Variants in CLIP2 observed in about 807,000 individuals in gnomAD.
The protein encoded by CLIP2 is CAP-Gly domain-containing linker protein 2.
In CLIP2, 41 loss-of-function variants were observed where a neutral mutation model predicts 111.7. That is an observed-to-expected ratio of 0.37 (90% confidence interval 0.29 to 0.48). The LOEUF is 0.48. CLIP2 is among the 20% of genes least tolerant of loss of function. CLIP2 has a pLI of 0.99. For missense variants in CLIP2, 1,160 were observed against 1,422.1 expected (o/e 0.82, Z 2.96); for synonymous variants, 660 against 644.2 (o/e 1.02, Z -0.37).
At chr7:74,321,216 C>T (rs1316746385) in intron 2 of CLIP2, among the ~76,000 whole-genome samples, 3 of 152,126 alleles carry the variant, frequency 2.0e-5, no homozygotes, top group Non-Finnish European at 4.4e-5. Context: ...TTTCACCCAT[C>T]CATCATCTCA....
chr7:74,302,036 T>A (rs556245794), intron 1 of CLIP2, among the ~76,000 whole-genome samples: 8 of 151,788 alleles, frequency 5.3e-5, no homozygotes, highest in Non-Finnish European at 1.2e-4. Flanking sequence ...CTAATGGTAA[T>A]GGATGTGTGG....
At chr7:74,379,045 C>T (rs1425123918) in intron 10 of CLIP2, among the ~76,000 whole-genome samples, 3 of 152,274 alleles carry the variant, frequency 2.0e-5, no homozygotes, top group African/African-American at 4.8e-5. Context: ...ATTCCCTGAG[C>T]GGGGAGGTTT....
chr7:74,384,683 C>G (rs140229177), intron 11 of CLIP2, among the ~76,000 whole-genome samples: 1 of 151,698 alleles, frequency 6.6e-6, no homozygotes, highest in Non-Finnish European at 1.5e-5. Flanking sequence ...TGGCCTCAAT[C>G]GATGCACCTG....
At chr7:74,331,069 G>A (rs942044984) in intron 2 of CLIP2, among the ~76,000 whole-genome samples, 2 of 151,548 alleles carry the variant, frequency 1.3e-5, no homozygotes, top group African/African-American at 4.8e-5. Context: ...AGCCAAGCAT[G>A]GTGGTACACG....
At chr7:74,343,980 G>A (rs1225188451) in intron 3 of CLIP2, among the ~76,000 whole-genome samples, 5 of 152,220 alleles carry the variant, frequency 3.3e-5, no homozygotes. Flanking sequence ...GCTGTGCACA[G>A]TCTGACTAAT....
intron 13 of CLIP2, among the ~76,000 whole-genome samples, chr7:74,394,495 C>T (rs1481822277): frequency 2.0e-5 from 3 of 152,170 alleles, no homozygotes; most frequent in African/African-American, 4.8e-5. Flanking sequence ...GGTGATCCAC[C>T]TGCCTCGGCC....
intron 1 of CLIP2, among the ~76,000 whole-genome samples, chr7:74,300,509 G>A (rs1026996434): frequency 6.7e-6 from 1 of 149,714 alleles, no homozygotes; most frequent in Non-Finnish European, 1.5e-5. Flanking sequence ...AGGCTGGAGT[G>A]CAGTGGTGCC....
In CLIP2 at chr7:74,394,694, G is replaced by A. The variant is rs187194442; in HGVS notation, c.2721-2380G>A. 2.6e-4 allele frequency among the ~76,000 whole-genome samples: 40 copies of A among 152,334 alleles called. 1 individual carries two copies. The East Asian group carries it at 7.5e-3, about 29-fold the overall frequency. On this transcript the variant is annotated intron_variant, in intron 13 of 16. Coordinates refer to ENST00000223398, the MANE Select transcript of CLIP2 (RefSeq NM_003388.5). The stretch of plus-strand genomic sequence containing the variant: ...TTGCTACAAATCTAACACCTTTCTA[G>A]AAACTGTAGCCCTGCCCAGGAGGGA...
At chr7:74,372,399 C>T (rs1288747198) in intron 8 of CLIP2, among the ~76,000 whole-genome samples, 1 of 39,714 alleles carries the variant, frequency 2.5e-5, no homozygotes, top group Non-Finnish European at 4.0e-5. Flanking sequence ...TTAGCACAGG[C>T]CTTGGGGGGG....
chr7:74,294,373 A>G (rs1294745372), intron 1 of CLIP2, among the ~76,000 whole-genome samples: 3 of 152,238 alleles, frequency 2.0e-5, no homozygotes, highest in Admixed American at 2.0e-4. Flanking sequence ...AAGGCAGAAC[A>G]GGCCAGATGG....
At chr7:74,393,034 CTTT>C (rs532112634) in intron 13 of CLIP2, among the ~76,000 whole-genome samples, 5 of 120,980 alleles carry the variant, frequency 4.1e-5, no homozygotes, top group Admixed American at 1.8e-4. Context: ...TAAGCATTTG[CTTT>C]TTTTTTTTTT....
At position 74,404,641 on chromosome 7, in the gene CLIP2, G is replaced by C. The variant is rs958455164; in HGVS notation, c.*793G>C. ...CGTGACCTTGGGCAAACCCTGGCTC[G>C]GAGCCCAGGGCAGAGGCAGCTCAGA... On this transcript the variant is annotated 3_prime_UTR_variant, in exon 17 of 17. Transcript: ENST00000223398. 3 of 152,648 alleles carry C rather than the reference G, an allele frequency of 2.0e-5. No homozygotes were observed. Among genetic ancestry groups the C allele is most frequent in the Admixed American group, 2.0e-4 (3 of 15,280 alleles). 9.5% of individuals were successfully genotyped at this position (152,648 alleles called of 1,614,324 possible). A position where few individuals can be genotyped will look rare whatever the true frequency, so the allele number is the denominator to read the frequency against.
At chr7:74,300,288 C>T (rs1788295716) in intron 1 of CLIP2, among the ~76,000 whole-genome samples, 1 of 151,426 alleles carries the variant, frequency 6.6e-6, no homozygotes, top group South Asian at 2.1e-4. Context: ...CACCCAGCCT[C>T]TTCCCACCTT....
rs1326336505 is a variant in CLIP2 at position 74,376,442 on chromosome 7, GAGA to G, written c.2044_2046del (p.Lys682del). The G allele has an allele frequency of 6.2e-7, 1 of 1,613,950 alleles. No individual in the cohort carries two copies. Among genetic ancestry groups the G allele is most frequent in the Non-Finnish European group, 8.5e-7 (1 of 1,180,042 alleles). ...CCTGGAGACCGCCATGCACGTGAAG[GAGA>G]AGGAGGCCCTGCGAGAGAAGCTGCA... On this transcript the variant is annotated inframe_deletion, in exon 10 of 17. Transcript: ENST00000223398. This position sits in a 1 kb window ranked among gnomAD's most constrained non-coding sequence, Gnocchi z 7.1.
rs782654636 is a variant in CLIP2 at position 74,401,432 on chromosome 7, C to T, written c.3067-73C>T. On this transcript the variant is annotated intron_variant, in intron 15 of 16. Coordinates refer to ENST00000223398, the MANE Select transcript of CLIP2 (RefSeq NM_003388.5). ...GCCTGAGACGGTCCCATGGGAAGACCTCGCCATCTAGTGGGAAAATCGGGA... is the reference window on the plus strand; with the variant it reads ...GCCTGAGACGGTCCCATGGGAAGACTTCGCCATCTAGTGGGAAAATCGGGA... 21 of 1,456,742 alleles carry T rather than the reference C, an allele frequency of 1.4e-5. No homozygotes were observed. The Admixed American group carries it at 2.2e-4, about 15-fold the overall frequency. The allele number at this position is 1,456,742 out of a possible 1,614,324, so 90.2% of individuals were successfully genotyped here.
At chr7:74,403,326 T>A (rs1398059308) in intron 16 of CLIP2, among the ~76,000 whole-genome samples, 6 of 151,852 alleles carry the variant, frequency 4.0e-5, no homozygotes, top group South Asian at 2.1e-4. Context: ...ATCCCAGAAC[T>A]TTGGGAGGCC....
chr7:74,315,972 A>G (rs1487245876), intron 1 of CLIP2, among the ~76,000 whole-genome samples: 5 of 149,698 alleles, frequency 3.3e-5, no homozygotes, highest in Non-Finnish European at 7.4e-5. Context: ...TGCTGCACCT[A>G]TCAACCCATC....
chr7:74,313,020 AG>A (rs1298642054), intron 1 of CLIP2, among the ~76,000 whole-genome samples: 1 of 151,848 alleles, frequency 6.6e-6, no homozygotes, highest in Non-Finnish European at 1.5e-5. Flanking sequence ...AAATAGGTTT[AG>A]GAAAAAAAAA....
intron 9 of CLIP2, among the ~76,000 whole-genome samples, chr7:74,373,704 CTATG>C (rs1790703074): frequency 6.6e-6 from 1 of 152,048 alleles, no homozygotes; most frequent in East Asian, 1.9e-4. Context: ...TGTCCTGTCT[CTATG>C]TAGGCAGACC....
Sources: gnomAD v4.1 joint callset for allele counts (sites outside exome capture counted in the v4.1 genomes callset) on GRCh38, gnomAD v4.1.1 for gene constraint, Gnocchi (gnomAD v3.1) non-coding constraint, MANE v1.5 for transcripts, NCBI Gene and HGNC (gene_info 2026-07-23, HGNC 2026-07-21) for gene names.